Variants in RGPD2 observed in about 807,000 individuals in gnomAD.
The protein encoded by RGPD2 is RANBP2 like and GRIP domain containing 2.
RGPD2 carries 2 observed loss-of-function variants against 36.0 expected under a neutral mutation model. The ratio of observed to expected loss-of-function variants is 0.06; its 90% CI spans 0.02 to 0.17. RGPD2 has a LOEUF of 0.17. Among genes scored for constraint, RGPD2 ranks in the 10% least tolerant of loss-of-function variants. The pLI is 1.00. For synonymous variants in RGPD2, 19 were observed against 163.8 expected (o/e 0.12, Z 6.75); for missense variants, 40 against 464.3 (o/e 0.09, Z 8.40).
At chr2:87,831,829 A>G in the RGPD2 span, among the ~76,000 whole-genome samples, 1 of 151,828 alleles carries the variant, frequency 6.6e-6, no homozygotes, top group Non-Finnish European at 1.5e-5. Flanking sequence ...TGAATTTCTC[A>G]AGCTGAAATC....
chr2:87,832,282 C>A, the RGPD2 span, among the ~76,000 whole-genome samples: 1 of 149,380 alleles, frequency 6.7e-6, no homozygotes, highest in Non-Finnish European at 1.5e-5. Flanking sequence ...AAATGGTTGA[C>A]TTGAACCTAC....
chr2:87,916,589 TAGTG>T, the RGPD2 span, among the ~76,000 whole-genome samples: 1 of 144,446 alleles, frequency 6.9e-6, no homozygotes, highest in African/African-American at 2.6e-5. Context: ...GTTCTAGTGA[TAGTG>T]AGTGAGTTCT....
chr2:87,830,586 A>T (rs1392340664), upstream of RGPD2, among the ~76,000 whole-genome samples: 1 of 152,126 alleles, frequency 6.6e-6, no homozygotes, highest in Non-Finnish European at 1.5e-5. Flanking sequence ...ATACCAATTG[A>T]CTGTATTAGC....
At chr2:87,983,149 G>A in the RGPD2 span, among the ~76,000 whole-genome samples, 19 of 150,926 alleles carry the variant, frequency 1.3e-4, no homozygotes, top group African/African-American at 2.4e-4. Flanking sequence ...GCAAAACCCC[G>A]TCTCTACTAA....
the RGPD2 span, among the ~76,000 whole-genome samples, chr2:87,973,692 CT>C: frequency 2.9e-5 from 2 of 68,854 alleles, no homozygotes; most frequent in Non-Finnish European, 2.9e-5. Context: ...CGTGAACCAG[CT>C]AAAAAAAAAA....
the RGPD2 span, among the ~76,000 whole-genome samples, chr2:87,980,144 AG>A: frequency 6.6e-6 from 1 of 152,126 alleles, no homozygotes; most frequent in African/African-American, 2.4e-5. Flanking sequence ...TGAGGTCAGG[AG>A]TTCGAGACCA....
At chr2:87,979,051 T>C in the RGPD2 span, among the ~76,000 whole-genome samples, 3 of 148,294 alleles carry the variant, frequency 2.0e-5, no homozygotes, top group South Asian at 4.3e-4. Context: ...CTGGCCAACA[T>C]GGCAAAATCC....
At chr2:87,911,975 A>G in the RGPD2 span, among the ~76,000 whole-genome samples, 6 of 152,062 alleles carry the variant, frequency 3.9e-5, no homozygotes, top group Admixed American at 1.3e-4. Flanking sequence ...TTGCTTCTCA[A>G]GTAAAATCTA....
the RGPD2 span, among the ~76,000 whole-genome samples, chr2:87,944,986 A>T: frequency 1.7e-4 from 26 of 151,146 alleles, no homozygotes; most frequent in Admixed American, 1.7e-3. Flanking sequence ...TGTAAAATAT[A>T]CGTAACACAA....
Position 87,825,493 on chromosome 2 carries a change from C to A in RGPD2, c.72+165G>T, listed in dbSNP as rs1316391345. 5.8e-5 allele frequency among the ~76,000 whole-genome samples: 4 copies of A among 69,108 alleles called. 1 individual carries two copies. The highest frequency in any genetic ancestry group is 2.7e-4 in the Admixed American group (2 of 7,276). The allele number at this position is 69,108 out of a possible 152,430, so 45.3% of individuals were successfully genotyped here. A position where few individuals can be genotyped will look rare whatever the true frequency, so the allele number is the denominator to read the frequency against. On this transcript the variant is annotated intron_variant, in intron 1 of 22. Coordinates refer to ENST00000398146, the MANE Select transcript of RGPD2 (RefSeq NM_001078170.3). The stretch of plus-strand genomic sequence containing the variant: ...GGCCGCCGTCGCCGCCGCCGCCGCC[C>A]GGCCGAGGCCGAGGCCGAGGCCGCC...
chr2:87,915,283 T>TACA, the RGPD2 span, among the ~76,000 whole-genome samples: 1 of 138,762 alleles, frequency 7.2e-6, no homozygotes, highest in African/African-American at 2.9e-5. Flanking sequence ...TGTATATATA[T>TACA]ATATATGTAT....
chr2:87,846,264 C>T, the RGPD2 span, among the ~76,000 whole-genome samples: 1 of 151,918 alleles, frequency 6.6e-6, no homozygotes, highest in African/African-American at 2.4e-5. Context: ...GGTAAGAAAC[C>T]ATTAATACAA....
chr2:87,915,591 CATATATATGTGTGTGTATATATAT>C, the RGPD2 span, among the ~76,000 whole-genome samples: 17 of 141,682 alleles, frequency 1.2e-4, no homozygotes, highest in Non-Finnish European at 2.4e-4. Flanking sequence ...TGTATATACA[CATATATATGTGTGTGTATATATAT>C]ACACATATAT....
chr2:87,853,311 C>T, the RGPD2 span, among the ~76,000 whole-genome samples: 1 of 152,190 alleles, frequency 6.6e-6, no homozygotes, highest in South Asian at 2.1e-4. Flanking sequence ...TGGCCTGGAA[C>T]TCTCACGCTC....
At chr2:87,929,086 G>A in the RGPD2 span, among the ~76,000 whole-genome samples, 3 of 151,862 alleles carry the variant, frequency 2.0e-5, no homozygotes, top group Non-Finnish European at 4.4e-5. Context: ...TGCTTTTGTT[G>A]CAATAGGTTT....
chr2:87,836,324 CGGAA>C, the RGPD2 span, among the ~76,000 whole-genome samples: 14 of 143,238 alleles, frequency 9.8e-5, no homozygotes, highest in East Asian at 2.0e-4. Flanking sequence ...AGAGGGAGGA[CGGAA>C]GGAAGGAAGG....
intron 1 of RGPD2, chr2:87,825,195 C>G (rs551995505): frequency 5.1e-6 from 2 of 394,174 alleles, no homozygotes; most frequent in African/African-American, 4.1e-5. Context: ...CTCTATTGAT[C>G]CCCACCTCCA....
chr2:87,934,616 T>C, the RGPD2 span, among the ~76,000 whole-genome samples: 85 of 151,670 alleles, frequency 5.6e-4, no homozygotes, highest in Non-Finnish European at 1.1e-3. Context: ...TGTGTGTGCA[T>C]GTATACCTCA....
chr2:87,932,493 C>A, the RGPD2 span, among the ~76,000 whole-genome samples: 1 of 69,810 alleles, frequency 1.4e-5, no homozygotes. Context: ...ATCCTGTCAT[C>A]ATGATGTTAG....
Sources: gnomAD v4.1 joint callset for allele counts (sites outside exome capture counted in the v4.1 genomes callset) on GRCh38, gnomAD v4.1.1 for gene constraint, MANE v1.5 for transcripts, NCBI Gene and HGNC (gene_info 2026-07-23, HGNC 2026-07-21) for gene names.